Variants in CFAP299 observed in about 807,000 individuals in gnomAD.
CFAP299 encodes the protein cilia and flagella associated protein 299.
A neutral mutation model predicts 27.0 loss-of-function variants in CFAP299; 21 were observed. The ratio of observed to expected loss-of-function variants is 0.78; its 90% confidence interval spans 0.55 to 1.12. The LOEUF (loss-of-function observed/expected upper bound fraction) is 1.12. CFAP299 is among the 50% of genes most tolerant of loss of function. The pLI, the probability that CFAP299 is intolerant of heterozygous loss-of-function variation, is 0.00. For synonymous variants in CFAP299, 104 were observed against 98.1 expected, an observed-to-expected ratio of 1.06 and a Z score of -0.36; for missense variants, 310 against 276.6, an observed-to-expected ratio of 1.12 and a Z score of -0.86.
intron 3 of CFAP299, among the ~76,000 whole-genome samples, chr4:80,824,496 C>A (rs750596644): frequency 5.3e-5 from 8 of 152,110 alleles, no homozygotes; most frequent in Non-Finnish European, 1.0e-4. Flanking sequence ...AGCTCCTCCC[C>A]CTCTGACTAA....
chr4:80,509,722 A>C (rs1341621401), intron 2 of CFAP299, among the ~76,000 whole-genome samples: 1 of 152,184 alleles, frequency 6.6e-6, no homozygotes, highest in Non-Finnish European at 1.5e-5. Context: ...ACTAATCTAC[A>C]ACAGAAAGTG....
intron 2 of CFAP299, among the ~76,000 whole-genome samples, chr4:80,467,594 C>A (rs1729769034): frequency 2.0e-5 from 3 of 151,942 alleles, no homozygotes; most frequent in Admixed American, 1.3e-4. Flanking sequence ...CCCTCTTGTT[C>A]AATATGAAGA....
chr4:80,428,843 T>C (rs1727661184), intron 2 of CFAP299, among the ~76,000 whole-genome samples: 1 of 152,104 alleles, frequency 6.6e-6, no homozygotes, highest in African/African-American at 2.4e-5. Context: ...CAGGCCAACA[T>C]TGCATTCTTT....
chr4:80,598,229 A>C (rs1377584036), intron 3 of CFAP299, among the ~76,000 whole-genome samples: 2 of 152,236 alleles, frequency 1.3e-5, no homozygotes, highest in Non-Finnish European at 2.9e-5. Flanking sequence ...CCAACGTATC[A>C]TCCCCAAATA....
rs115852295 is a variant in CFAP299 at position 80,483,182 on chromosome 4, A to G, written c.243-99911A>G. ...TGATGTGAGAAGGATTTGACCTGCCATTGCTGGCTTTGAGGGCTGAAGGGA... is the reference window on the plus strand; with the variant it reads ...TGATGTGAGAAGGATTTGACCTGCCGTTGCTGGCTTTGAGGGCTGAAGGGA... On this transcript the variant is annotated intron_variant, in intron 2 of 5. Transcript: ENST00000358105. Among the ~76,000 whole-genome samples the G allele has an allele frequency of 4.7e-3, 716 of 152,340 alleles. 4 individuals are homozygous for G. The highest frequency in any genetic ancestry group is 0.016 in the African/African-American group (675 of 41,594).
intron 2 of CFAP299, among the ~76,000 whole-genome samples, chr4:80,423,267 C>T (rs1032485948): frequency 6.6e-6 from 1 of 152,032 alleles, no homozygotes; most frequent in Non-Finnish European, 1.5e-5. Flanking sequence ...TGCACATATG[C>T]CAAAGTTTAG....
At chr4:80,753,590 T>C (rs926039235) in intron 3 of CFAP299, among the ~76,000 whole-genome samples, 1 of 152,178 alleles carries the variant, frequency 6.6e-6, no homozygotes, top group Non-Finnish European at 1.5e-5. Flanking sequence ...CTGATTTGTT[T>C]TCTTTCTCTT....
At chr4:80,880,148 G>C (rs10028779) in intron 4 of CFAP299, among the ~76,000 whole-genome samples, 32,203 of 151,826 alleles carry the variant, frequency 0.21, 5,515 homozygotes, top group African/African-American at 0.46. Flanking sequence ...GGGAGAAAGG[G>C]GGGGAGAGAA....
chr4:80,419,561 T>C (rs1354173667), intron 2 of CFAP299, among the ~76,000 whole-genome samples: 2 of 152,188 alleles, frequency 1.3e-5, no homozygotes, highest in Admixed American at 6.5e-5. Flanking sequence ...TTCTACCTAT[T>C]GGAAGCCTAC....
chr4:80,866,095 A>ATATATATATATATATC (rs1243634550), intron 3 of CFAP299, among the ~76,000 whole-genome samples: 1 of 126,492 alleles, frequency 7.9e-6, no homozygotes, highest in Non-Finnish European at 1.7e-5. Context: ...ATATATATAT[A>ATATATATATATATATC]TCTTCCCAAA....
chr4:80,554,924 A>C (rs151231582), intron 2 of CFAP299, among the ~76,000 whole-genome samples: 1 of 152,174 alleles, frequency 6.6e-6, no homozygotes, highest in African/African-American at 2.4e-5. Flanking sequence ...TTTTCTAGAT[A>C]TAGAATCATG....
intron 2 of CFAP299, among the ~76,000 whole-genome samples, chr4:80,508,964 T>C (rs541639843): frequency 3.3e-5 from 5 of 152,246 alleles, no homozygotes; most frequent in African/African-American, 9.6e-5. Flanking sequence ...GAGAACACTT[T>C]TTTGGCTCAG....
intron 3 of CFAP299, among the ~76,000 whole-genome samples, chr4:80,773,066 G>A (rs1726316039): frequency 6.6e-6 from 1 of 152,096 alleles, no homozygotes; most frequent in African/African-American, 2.4e-5. Flanking sequence ...GCAGGGACAT[G>A]GATAAAGCTG....
At position 80,535,455 on chromosome 4, in the gene CFAP299, A is replaced by C. The variant is rs933869005; in HGVS notation, c.243-47638A>C. Among the ~76,000 whole-genome samples, 40 of 123,692 alleles carry C rather than the reference A, an allele frequency of 3.2e-4. 7 individuals carry two copies. The highest frequency in any genetic ancestry group is 5.4e-4 in the Non-Finnish European group (34 of 62,788). The allele number at this position is 123,692 out of a possible 152,430, so 81.1% of individuals were successfully genotyped here. A position where few individuals can be genotyped will look rare whatever the true frequency, so the allele number is the denominator to read the frequency against. The stretch of plus-strand genomic sequence containing the variant: ...GCTTGCAGTGAGCCGAGATCCCGCC[A>C]CTGCACTCCAGCCTGGGCGACAGAG... On this transcript the variant is annotated intron_variant, in intron 2 of 5. Coordinates refer to ENST00000358105, the MANE Select transcript of CFAP299 (RefSeq NM_152770.3).
intron 3 of CFAP299, among the ~76,000 whole-genome samples, chr4:80,637,894 CTG>C (rs1209610659): frequency 6.6e-6 from 1 of 152,160 alleles, no homozygotes; most frequent in Non-Finnish European, 1.5e-5. Context: ...AGTACAATCT[CTG>C]TATTTCTTTT....
At chr4:80,822,497 GT>G in intron 3 of CFAP299, among the ~76,000 whole-genome samples, 1 of 152,242 alleles carries the variant, frequency 6.6e-6, no homozygotes, top group East Asian at 1.9e-4. Context: ...AGCCTGCTCA[GT>G]ATTTAAAATA....
At chr4:80,855,224 C>T (rs1468003512) in intron 3 of CFAP299, among the ~76,000 whole-genome samples, 3 of 152,016 alleles carry the variant, frequency 2.0e-5, no homozygotes, top group Non-Finnish European at 4.4e-5. Context: ...TATGCATACA[C>T]ATTTGTGTAC....
At chr4:80,515,066 TA>T (rs925234048) in intron 2 of CFAP299, among the ~76,000 whole-genome samples, 1 of 152,050 alleles carries the variant, frequency 6.6e-6, no homozygotes, top group African/African-American at 2.4e-5. Flanking sequence ...TGCACAAATA[TA>T]AAAAAACTGC....
At chr4:80,708,825 T>C (rs1490356302) in intron 3 of CFAP299, among the ~76,000 whole-genome samples, 1 of 152,128 alleles carries the variant, frequency 6.6e-6, no homozygotes, top group African/African-American at 2.4e-5. Flanking sequence ...ATGCAAACTT[T>C]TAGTTACCAA....
Sources: allele counts gnomAD v4.1 joint callset (sites outside exome capture counted in the v4.1 genomes callset), GRCh38; gene constraint gnomAD v4.1.1; transcripts MANE v1.5; gene names NCBI Gene and HGNC (gene_info 2026-07-23, HGNC 2026-07-21).